Variants in CUL4A observed in about 807,000 individuals in gnomAD.
CUL4A encodes cullin 4A, also known as cullin-4A.
In CUL4A, 16 loss-of-function variants were observed where a neutral mutation model predicts 95.5. That is an observed-to-expected ratio of 0.17 (90% confidence interval 0.11 to 0.25). The LOEUF (loss-of-function observed/expected upper bound fraction) is 0.25, where lower values mean the gene tolerates loss of function less well. Ranked by LOEUF, CUL4A falls within the 10% of genes least tolerant of loss-of-function variation. CUL4A has a pLI of 1.00. For missense variants in CUL4A, 610 were observed against 937.0 expected, an observed-to-expected ratio of 0.65 and a Z score of 4.56; for synonymous variants, 380 against 353.1, an observed-to-expected ratio of 1.08 and a Z score of -0.85.
intron 18 of CUL4A, among the ~76,000 whole-genome samples, chr13:113,256,690 ATAC>A (rs1451796596): frequency 6.6e-6 from 1 of 152,200 alleles, no homozygotes; most frequent in Non-Finnish European, 1.5e-5. Flanking sequence ...TAAAATAGAC[ATAC>A]TACTACCTCA....
At chr13:113,232,050 C>CGCCCACCACCATTACTGTCACCACTACCT (rs1566342855) in intron 5 of CUL4A, among the ~76,000 whole-genome samples, 1,842 of 84,370 alleles carry the variant, frequency 0.022, 449 homozygotes, top group South Asian at 0.04. Context: ...CACCACTACC[C>CGCCCACCACCATTACTGTCACCACTACCT]GCCCACCACC....
At chr13:113,243,677 A>C (rs1434798642) in intron 11 of CUL4A, among the ~76,000 whole-genome samples, 3 of 152,028 alleles carry the variant, frequency 2.0e-5, no homozygotes, top group Non-Finnish European at 2.9e-5. Context: ...TGAAGATGTA[A>C]GATGGAACAT....
chr13:113,256,177 G>A (rs1169789381), intron 18 of CUL4A, among the ~76,000 whole-genome samples: 1 of 152,052 alleles, frequency 6.6e-6, no homozygotes, highest in Non-Finnish European at 1.5e-5. Context: ...AAAACACCTG[G>A]GATCACTGTA....
At chr13:113,236,937 A>G (rs1268361187) in intron 9 of CUL4A, 47 bp downstream of exon 9, 6 of 1,343,686 alleles carry the variant, frequency 4.5e-6, no homozygotes, top group Admixed American at 1.8e-5. Context: ...AATTATCCTT[A>G]GTTCATTAGG....
chr13:113,228,131 G>A (rs2041174951), intron 4 of CUL4A, 86 bp downstream of exon 4: 2 of 1,040,712 alleles, frequency 1.9e-6, no homozygotes, highest in African/African-American at 1.6e-5. Flanking sequence ...TAGAAGTTCT[G>A]TTGAGGATTC....
chr13:113,224,914 G>T (rs759757519), intron 3 of CUL4A, among the ~76,000 whole-genome samples: 1 of 152,172 alleles, frequency 6.6e-6, no homozygotes, highest in Non-Finnish European at 1.5e-5. Context: ...CGGTCTGTCC[G>T]GTCTGTCGGT....
At chr13:113,208,522 G>A (rs2040126512), upstream of CUL4A, 90 of 1,566,704 alleles carry the variant, frequency 5.7e-5, 3 homozygotes, top group South Asian at 9.3e-4. Context: ...AAGGCCTGAG[G>A]GTCCAAGGCA....
At chr13:113,208,318 G>A, upstream of CUL4A, 2 of 1,432,936 alleles carry the variant, frequency 1.4e-6, no homozygotes, top group East Asian at 2.5e-5. Context: ...CAGCAAGTGA[G>A]GGCAGCGACC....
chr13:113,215,881 G>A (rs2040663624), intron 2 of CUL4A, among the ~76,000 whole-genome samples: 1 of 149,818 alleles, frequency 6.7e-6, no homozygotes, highest in South Asian at 2.2e-4. Context: ...TGTGGCTGTG[G>A]AGGTCGCGTG....
intron 15 of CUL4A, among the ~76,000 whole-genome samples, chr13:113,247,924 G>A (rs963192947): frequency 6.6e-6 from 1 of 152,154 alleles, no homozygotes; most frequent in Non-Finnish European, 1.5e-5. Flanking sequence ...GTACCCAGCT[G>A]AGCCCAGGAC....
At chr13:113,221,555 T>C (rs2040897966) in intron 3 of CUL4A, among the ~76,000 whole-genome samples, 2 of 151,938 alleles carry the variant, frequency 1.3e-5, no homozygotes, top group South Asian at 4.1e-4. Flanking sequence ...TAAGGGTTTT[T>C]TTTGTTTTGT....
At chr13:113,223,724 A>G (rs2040990636) in intron 3 of CUL4A, among the ~76,000 whole-genome samples, 2 of 152,172 alleles carry the variant, frequency 1.3e-5, no homozygotes, top group South Asian at 4.1e-4. Context: ...TGTACCGATT[A>G]TATTTTGATT....
At chr13:113,231,350 A>G (rs1394769038) in intron 5 of CUL4A, among the ~76,000 whole-genome samples, 3 of 152,188 alleles carry the variant, frequency 2.0e-5, no homozygotes, top group Non-Finnish European at 4.4e-5. Context: ...CAGCTAAGAA[A>G]GAAAGAGTAG....
intron 8 of CUL4A, among the ~76,000 whole-genome samples, 191 bp from the exon 9 acceptor site, chr13:113,236,632 T>C (rs2041554319): frequency 6.6e-6 from 1 of 152,174 alleles, no homozygotes; most frequent in Non-Finnish European, 1.5e-5. Flanking sequence ...AGGTGGTTTT[T>C]AGAAAGGGCT....
At chr13:113,254,261 G>A (rs1205118913) in intron 16 of CUL4A, among the ~76,000 whole-genome samples, 1 of 152,126 alleles carries the variant, frequency 6.6e-6, no homozygotes, top group Non-Finnish European at 1.5e-5. Context: ...AATAGAAAAG[G>A]AGATCATCCT....
rs1385519138 is a variant in CUL4A at position 113,232,198 on chromosome 13, ACCCG to A, written c.513-975_513-972del. Among the ~76,000 whole-genome samples, 66 of 8,062 alleles carry A rather than the reference ACCCG, an allele frequency of 8.2e-3. 19 individuals carry two copies. The highest frequency in any genetic ancestry group is 0.023 in the African/African-American group (63 of 2,736). 5.3% of individuals were successfully genotyped at this position (8,062 alleles called of 152,430 possible). A position where few individuals can be genotyped will look rare whatever the true frequency, so the allele number is the denominator to read the frequency against. The stretch of plus-strand genomic sequence containing the variant: ...CACCACCATTACTGCTGCCACCACT[ACCCG>A]CCCACCACCATTACTGCTGCCACCA... On this transcript the variant is annotated intron_variant, in intron 5 of 19. Transcript: ENST00000375440.
In CUL4A at chr13:113,210,137, C is replaced by T. The variant is rs569447161; in HGVS notation, c.264+49C>T. On this transcript the variant is annotated intron_variant, in intron 2 of 19. Transcript: ENST00000375440. ...GACGCCGCTCCTGCCCCGCGTGACG[C>T]AGACGCGGCCGGGCGGCCGCTCCGG... 3.1e-6 allele frequency: 4 copies of T among 1,296,990 alleles called. No individual in the cohort carries two copies. The African/African-American group carries it at 6.3e-5, about 20-fold the overall frequency. The allele number at this position is 1,296,990 out of a possible 1,614,324, so 80.3% of individuals were successfully genotyped here.
rs904983624 is a variant in CUL4A, at chr13:113,246,036, G to T, written c.1611G>T (p.Thr537=). 3 of 1,613,696 alleles carry T rather than the reference G, an allele frequency of 1.9e-6. No individual in the cohort carries two copies. In the South Asian group the frequency reaches 3.3e-5, roughly 18 times the overall value. ...ILTMGYWPTY[T]PMEVHLTPEM... Reference sequence around the variant, plus strand: ...CAATGGGCTACTGGCCAACATACACGCCCATGGAAGTGCACTTAACCCCAG... The same window carrying T: ...CAATGGGCTACTGGCCAACATACACTCCCATGGAAGTGCACTTAACCCCAG... Residue 537 remains threonine, a synonymous_variant, in exon 15 of 20, where the codon ACG becomes ACT. Transcript: ENST00000375440.
chr13:113,263,419 C>G, intron 19 of CUL4A, 68 bp from the exon 20 acceptor site: 1 of 762,358 alleles, frequency 1.3e-6, no homozygotes, highest in East Asian at 2.7e-5. Flanking sequence ...ATGCATATAC[C>G]CCTTGTATGT....
Sources: gnomAD v4.1 joint callset for allele counts (sites outside exome capture counted in the v4.1 genomes callset) on GRCh38, gnomAD v4.1.1 for gene constraint, MANE v1.5 for transcripts, NCBI Gene and HGNC (gene_info 2026-07-23, HGNC 2026-07-21) for gene names.